The following SLC4A5 variants were observed in gnomAD, a reference collection of about 807,000 sequenced individuals.
SLC4A5 encodes solute carrier family 4 member 5, also known as electrogenic sodium bicarbonate cotransporter 4.
Under a neutral mutation model 120.4 loss-of-function variants are expected in SLC4A5, and 96 were observed. The ratio of observed to expected loss-of-function variants is 0.80; its 90% CI spans 0.68 to 0.94. The LOEUF is 0.94. Ranked by LOEUF, SLC4A5 falls within the 40% of genes least tolerant of loss-of-function variation. The pLI is 0.00. For synonymous variants in SLC4A5, 550 were observed against 571.1 expected (o/e 0.96, Z 0.53); for missense variants, 1,259 against 1,459.5 (o/e 0.86, Z 2.24).
intron 7 of SLC4A5, among the ~76,000 whole-genome samples, chr2:74,303,239 C>A (rs1299372017): frequency 6.6e-6 from 1 of 152,074 alleles, no homozygotes; most frequent in Non-Finnish European, 1.5e-5. Context: ...AAGCCACAGG[C>A]CCTGGTCAAC....
intron 5 of SLC4A5, among the ~76,000 whole-genome samples, chr2:74,321,706 T>C (rs1048326485): frequency 6.6e-5 from 10 of 151,534 alleles, no homozygotes; most frequent in Admixed American, 4.6e-4. Context: ...TCCTACACTG[T>C]CCAACAACCA....
chr2:74,304,213 A>G (rs1356322143), intron 7 of SLC4A5, among the ~76,000 whole-genome samples: 1 of 152,222 alleles, frequency 6.6e-6, no homozygotes, highest in African/African-American at 2.4e-5. Flanking sequence ...AATGAGGGAA[A>G]TAATTCTGAG....
chr2:74,264,218 C>T lies in SLC4A5; in HGVS notation c.644G>A (p.Arg215Lys), dbSNP rs1248988592. The T allele has an allele frequency of 6.2e-7, 1 of 1,614,122 alleles. No individual in the cohort carries two copies. The highest frequency in any genetic ancestry group is 8.5e-7 in the Non-Finnish European group (1 of 1,180,048). ...GGGCTTCTTGGTTTGGTGGCGGTGCCTCCTCAGGAGGACGTAACTGACCCT... is the reference window on the plus strand; with the variant it reads ...GGGCTTCTTGGTTTGGTGGCGGTGCTTCCTCAGGAGGACGTAACTGACCCT... The change falls in exon 10 of 31, where the codon AGG becomes AAG. Residue 215 changes from arginine to lysine, a missense_variant. Transcript: ENST00000394019.
At chr2:74,296,616 CAAAAAAAAAAAA>C (rs1160532512) in intron 7 of SLC4A5, among the ~76,000 whole-genome samples, 3 of 47,474 alleles carry the variant, frequency 6.3e-5, no homozygotes, top group South Asian at 7.7e-4. Flanking sequence ...ACTAAAAATA[CAAAAAAAAAAAA>C]AAAAAAAAAA....
intron 6 of SLC4A5, 27 bp from the exon 7 acceptor site, chr2:74,304,707 G>GA (rs759131581): frequency 6.3e-7 from 1 of 1,582,176 alleles, no homozygotes. Flanking sequence ...AAAGACAGGG[G>GA]AGGCAGGGTT....
At chr2:74,252,223 C>T in exon 16 of SLC4A5, 1 of 1,612,348 alleles carries the variant, frequency 6.2e-7, no homozygotes, top group South Asian at 1.1e-5. Flanking sequence ...GCATGGCTGG[C>T]ATCTCTCCAT....
chr2:74,295,207 G>A (rs1237285320), intron 7 of SLC4A5, among the ~76,000 whole-genome samples: 4 of 152,000 alleles, frequency 2.6e-5, no homozygotes, highest in African/African-American at 9.7e-5. Flanking sequence ...AGACTCAGGA[G>A]GGCAGTGATG....
intron 20 of SLC4A5, among the ~76,000 whole-genome samples, chr2:74,241,077 GA>G (rs1670424395): frequency 6.6e-6 from 1 of 152,016 alleles, no homozygotes; most frequent in Non-Finnish European, 1.5e-5. Flanking sequence ...CATTGAGGAA[GA>G]AACACTAATA....
At chr2:74,250,096 C>A in intron 17 of SLC4A5, among the ~76,000 whole-genome samples, 1 of 152,112 alleles carries the variant, frequency 6.6e-6, no homozygotes, top group Admixed American at 6.5e-5. Context: ...AGATGATTCC[C>A]CTTAACGGTT....
chr2:74,263,075 T>C (rs1671192871), intron 10 of SLC4A5, among the ~76,000 whole-genome samples: 1 of 152,234 alleles, frequency 6.6e-6, no homozygotes, highest in Non-Finnish European at 1.5e-5. Flanking sequence ...GGACTTGCTC[T>C]GTTGCCCAGG....
At chr2:74,273,596 A>G (rs1671543023) in intron 8 of SLC4A5, among the ~76,000 whole-genome samples, 1 of 152,146 alleles carries the variant, frequency 6.6e-6, no homozygotes, top group Non-Finnish European at 1.5e-5. Context: ...CTTTCTGCCT[A>G]AGGCCTGTAA....
At chr2:74,242,014 G>T (rs778269860) in exon 20 of SLC4A5, 1 of 1,606,560 alleles carries the variant, frequency 6.2e-7, no homozygotes, top group Non-Finnish European at 8.5e-7. Context: ...TTGGTGTCTG[G>T]TGCCAATGGG....
At chr2:74,325,260 C>T (rs551457513) in intron 5 of SLC4A5, among the ~76,000 whole-genome samples, 10 of 152,200 alleles carry the variant, frequency 6.6e-5, no homozygotes, top group Admixed American at 5.2e-4. Context: ...TGACAAATGA[C>T]AATACATATG....
intron 12 of SLC4A5, among the ~76,000 whole-genome samples, chr2:74,257,684 G>C (rs986165395): frequency 2.6e-5 from 4 of 151,476 alleles, no homozygotes; most frequent in African/African-American, 9.7e-5. Flanking sequence ...GGTTCAAGCA[G>C]TTCTCGTGCC....
At chr2:74,267,921 G>A (rs766058508) in intron 8 of SLC4A5, among the ~76,000 whole-genome samples, 15 of 152,090 alleles carry the variant, frequency 9.9e-5, no homozygotes, top group Non-Finnish European at 1.8e-4. Flanking sequence ...GAAGGCAGAG[G>A]TTGCAGTGAG....
intron 30 of SLC4A5, among the ~76,000 whole-genome samples, chr2:74,219,536 CATCT>C (rs1325590003): frequency 6.6e-6 from 1 of 152,096 alleles, no homozygotes; most frequent in Non-Finnish European, 1.5e-5. Flanking sequence ...TCTTTGCCTC[CATCT>C]GTTTTCATAA....
chr2:74,335,374 C>T (rs543086830), intron 3 of SLC4A5, among the ~76,000 whole-genome samples: 3 of 152,304 alleles, frequency 2.0e-5, no homozygotes, highest in South Asian at 2.1e-4. Context: ...CCTAGGAACT[C>T]GTTCTTCAGA....
chr2:74,279,312 T>C (rs182612331), intron 8 of SLC4A5, among the ~76,000 whole-genome samples: 144 of 152,306 alleles, frequency 9.5e-4, no homozygotes, highest in South Asian at 2.1e-3. Context: ...CGGGAGTAGG[T>C]CCATCCTGCG....
At position 74,250,411 on chromosome 2, in the gene SLC4A5, A is replaced by G. The variant is rs761491147; in HGVS notation, c.1585T>C (p.Tyr529His). 1.5e-5 allele frequency: 24 copies of G among 1,614,104 alleles called. No individual in the cohort carries two copies. Among genetic ancestry groups the G allele is most frequent in the South Asian group, 3.3e-5 (3 of 91,090 alleles). The change falls in exon 17 of 31, where the codon TAC (tyrosine) becomes CAC (histidine). Residue 529 changes from tyrosine to histidine, a missense_variant. By Grantham distance (83) the Tyr-to-His change is moderately conservative (BLOSUM62 2). Transcript: ENST00000394019. The stretch of plus-strand genomic sequence containing the variant: ...ATCGCGTTGGTGATACAGCCGAGGT[A>G]GATGAATAGGATGGCAGAGATGGAC...
Sources: gnomAD v4.1 joint callset for allele counts (sites outside exome capture counted in the v4.1 genomes callset) on GRCh38, gnomAD v4.1.1 for gene constraint, MANE v1.5 for transcripts, NCBI Gene and HGNC (gene_info 2026-07-23, HGNC 2026-07-21) for gene names.